The following FOCAD variants were observed in gnomAD, a reference collection of about 807,000 sequenced individuals.
FOCAD encodes focadhesin.
In FOCAD, 198 loss-of-function variants were observed where a neutral mutation model predicts 225.6. The observed-to-expected ratio is 0.88, with a 90% CI of 0.78 to 0.99. FOCAD has a LOEUF of 0.99. Ranked by LOEUF, FOCAD falls within the 50% of genes least tolerant of loss-of-function variation. FOCAD has a pLI of 0.00. For missense variants in FOCAD, 2,713 were observed against 2,123.6 expected (o/e 1.28, Z -5.46); for synonymous variants, 897 against 755.0 (o/e 1.19, Z -3.08).
intron 35 of FOCAD, among the ~76,000 whole-genome samples, chr9:20,955,676 G>A (rs907064187): frequency 6.6e-6 from 1 of 151,726 alleles, no homozygotes; most frequent in Non-Finnish European, 1.5e-5. Context: ...TAAAATCTTT[G>A]CTCATCATCT....
chr9:20,878,512 A>G (rs774957847), intron 19 of FOCAD, among the ~76,000 whole-genome samples: 3 of 152,196 alleles, frequency 2.0e-5, no homozygotes, highest in African/African-American at 4.8e-5. Context: ...CCTTGTACAC[A>G]TAACTTATCA....
intron 29 of FOCAD, 146 bp downstream of exon 29, chr9:20,944,920 G>C (rs145129479): frequency 2.3e-6 from 2 of 879,070 alleles, no homozygotes; most frequent in African/African-American, 1.7e-5. Flanking sequence ...ACCAATATTA[G>C]ATCATAAGGT....
chr9:20,926,955 G>T (rs1225616778), intron 26 of FOCAD, among the ~76,000 whole-genome samples: 1 of 150,426 alleles, frequency 6.6e-6, no homozygotes, highest in African/African-American at 2.4e-5. Flanking sequence ...AGAAATATGT[G>T]TGTAAATATT....
chr9:20,993,052 A>G (rs1283678340), intron 42 of FOCAD, among the ~76,000 whole-genome samples: 2 of 151,904 alleles, frequency 1.3e-5, no homozygotes, highest in Non-Finnish European at 2.9e-5. Flanking sequence ...TGGGAGCTGT[A>G]TCCAACTTTA....
Position 20,789,485 on chromosome 9 carries a change from T to G in FOCAD, c.1332T>G (p.Ile444Met). ...WLASVESLLP[I>M]TAVIPAPAFL... is the part of the protein sequence containing the mutation. ...CTTCAGTAGAGTCATTGCTTCCTATTACTGCTGTGATCCCTGCGCCTGCCT... is the reference window on the plus strand; with the variant it reads ...CTTCAGTAGAGTCATTGCTTCCTATGACTGCTGTGATCCCTGCGCCTGCCT... Residue 444 changes from isoleucine (I) to methionine (M), a missense_variant, in exon 11 of 44, where the codon ATT becomes ATG. By Grantham distance (10) the Ile-to-Met change is conservative. Coordinates refer to ENST00000338382, the MANE Select transcript of FOCAD (RefSeq NM_001375567.1). 1 of 1,614,002 alleles carries G rather than the reference T, an allele frequency of 6.2e-7. No homozygotes were observed.
At chr9:20,909,040 T>A (rs1833218445) in intron 22 of FOCAD, among the ~76,000 whole-genome samples, 1 of 152,042 alleles carries the variant, frequency 6.6e-6, no homozygotes, top group Non-Finnish European at 1.5e-5. Flanking sequence ...GAGCTCCTCC[T>A]CCTGCAGAAT....
At chr9:20,866,201 C>A (rs745800986) in intron 17 of FOCAD, among the ~76,000 whole-genome samples, 83 of 152,096 alleles carry the variant, frequency 5.5e-4, no homozygotes, top group Middle Eastern at 6.8e-3. Flanking sequence ...CTTGGTGAAT[C>A]TGACAGATGG....
chr9:20,841,352 C>G (rs927847899), intron 15 of FOCAD, among the ~76,000 whole-genome samples: 1 of 150,178 alleles, frequency 6.7e-6, no homozygotes, highest in African/African-American at 2.4e-5. Context: ...CTTTTGATTG[C>G]AGAGTTTAGG....
At chr9:20,795,608 C>A (rs1272587333) in intron 11 of FOCAD, among the ~76,000 whole-genome samples, 2 of 151,700 alleles carry the variant, frequency 1.3e-5, no homozygotes, top group Non-Finnish European at 2.9e-5. Flanking sequence ...CACGGTGAAA[C>A]CCCGTCTCTA....
intron 7 of FOCAD, 36 bp downstream of exon 7, chr9:20,765,109 G>A (rs1219442452): frequency 1.3e-6 from 2 of 1,556,436 alleles, no homozygotes; most frequent in South Asian, 1.2e-5. Flanking sequence ...ATATAGGTCA[G>A]CATCAGTAAG....
chr9:20,987,352 A>T (rs1239127880), intron 40 of FOCAD, among the ~76,000 whole-genome samples: 2 of 152,082 alleles, frequency 1.3e-5, no homozygotes, highest in Non-Finnish European at 2.9e-5. Context: ...TACTAAAACG[A>T]CAAAAATTAG....
chr9:20,773,599 C>A (rs1205486959), intron 8 of FOCAD, among the ~76,000 whole-genome samples: 1 of 152,162 alleles, frequency 6.6e-6, no homozygotes, highest in Non-Finnish European at 1.5e-5. Flanking sequence ...CCTCCTTTTT[C>A]CCCTGACTAT....
intron 41 of FOCAD, 76 bp downstream of exon 41, chr9:20,988,505 G>GT: frequency 8.0e-6 from 3 of 375,150 alleles, no homozygotes; most frequent in Non-Finnish European, 1.4e-5. Context: ...AGTAATTGCG[G>GT]TTTTGCCATT....
At position 20,819,800 on chromosome 9, in the gene FOCAD, C is replaced by A; in HGVS notation, c.1460C>A (p.Pro487Gln). The A allele has an allele frequency of 6.6e-7, 1 of 1,518,574 alleles. No individual in the cohort carries two copies. The highest frequency in any genetic ancestry group is 1.4e-5 in the South Asian group (1 of 72,762). The allele number at this position is 1,518,574 out of a possible 1,614,324, so 94.1% of individuals were successfully genotyped here. The change falls in exon 12 of 44, where the codon CCA (proline) becomes CAA (glutamine). Residue 487 changes from proline to glutamine, a missense_variant. Physicochemically the swap from Pro to Gln is moderately conservative, Grantham distance 76 (BLOSUM62 -1). Transcript: ENST00000338382. ...ELAQADSSQVPNLIPVLMFKL... is the reference protein window; with the variant it reads ...ELAQADSSQVQNLIPVLMFKL... ...TATTTTAAAAATTCATTTTAGGTGC[C>A]AAATCTGATTCCAGTTTTGATGTTC...
chr9:20,775,244 A>C (rs577993399), intron 8 of FOCAD, among the ~76,000 whole-genome samples: 2 of 152,302 alleles, frequency 1.3e-5, no homozygotes, highest in South Asian at 4.1e-4. Context: ...AATAATCATA[A>C]CTTAAGGTCC....
chr9:20,859,284 A>G (rs1828532805), intron 15 of FOCAD, among the ~76,000 whole-genome samples: 1 of 151,888 alleles, frequency 6.6e-6, no homozygotes, highest in African/African-American at 2.4e-5. Context: ...TGGGAGGCTG[A>G]GGCAGGAGAA....
intron 1 of FOCAD, chr9:20,684,837 T>G (rs1822564034): frequency 6.6e-6 from 1 of 152,276 alleles, no homozygotes; most frequent in African/African-American, 2.4e-5. Flanking sequence ...CTGTTTTCAG[T>G]CTCCTAGTTC....
intron 4 of FOCAD, among the ~76,000 whole-genome samples, chr9:20,738,906 A>T (rs1827370970): frequency 6.6e-6 from 1 of 152,210 alleles, no homozygotes; most frequent in Admixed American, 6.5e-5. Context: ...CAATATAAAA[A>T]ATTATACATG....
intron 15 of FOCAD, among the ~76,000 whole-genome samples, chr9:20,823,791 G>C (rs774314656): frequency 1.1e-4 from 17 of 152,164 alleles, no homozygotes; most frequent in Non-Finnish European, 2.2e-4. Flanking sequence ...TTAAGGTTAT[G>C]GTCAGTTATG....
Sources: allele counts gnomAD v4.1 joint callset (sites outside exome capture counted in the v4.1 genomes callset), GRCh38; gene constraint gnomAD v4.1.1; transcripts MANE v1.5; gene names NCBI Gene and HGNC (gene_info 2026-07-23, HGNC 2026-07-21).